The following ITGAE variants were observed in gnomAD, a reference collection of about 807,000 sequenced individuals.
ITGAE encodes the protein integrin alpha-E.
Under a neutral mutation model 136.5 loss-of-function variants are expected in ITGAE, and 99 were observed. That is an observed-to-expected ratio of 0.73 (90% CI 0.62 to 0.86). The LOEUF (loss-of-function observed/expected upper bound fraction) is 0.86. Among genes scored for constraint, ITGAE ranks in the 40% least tolerant of loss-of-function variants. The pLI, the probability that ITGAE is intolerant of heterozygous loss-of-function variation, is 0.00. For synonymous variants in ITGAE, 613 were observed against 591.8 expected (o/e 1.04, Z -0.52); for missense variants, 1,447 against 1,515.3 (o/e 0.95, Z 0.75).
intron 20 of ITGAE, among the ~76,000 whole-genome samples, chr17:3,736,048 A>G (rs1395964790): frequency 1.3e-5 from 2 of 152,046 alleles, no homozygotes; most frequent in African/African-American, 4.8e-5. Flanking sequence ...GGAGGCTGAG[A>G]CAGAGAATTG....
intron 19 of ITGAE, among the ~76,000 whole-genome samples, chr17:3,743,199 T>C (rs1367358839): frequency 6.6e-6 from 1 of 152,184 alleles, no homozygotes; most frequent in Non-Finnish European, 1.5e-5. Context: ...CAGGATGCAA[T>C]GTATGCATGT....
chr17:3,724,246 G>T, intron 26 of ITGAE: 1 of 1,593,008 alleles, frequency 6.3e-7, no homozygotes, highest in East Asian at 2.2e-5. Context: ...TGGAAGCTGC[G>T]AGCTCGCCCA....
At chr17:3,763,607 C>T (rs1253422046) in intron 3 of ITGAE, among the ~76,000 whole-genome samples, 3 of 152,044 alleles carry the variant, frequency 2.0e-5, no homozygotes, top group Non-Finnish European at 2.9e-5. Flanking sequence ...AGAGGACTGC[C>T]GGGCACAGGG....
At chr17:3,721,336 A>G (rs1190246331) in intron 28 of ITGAE, among the ~76,000 whole-genome samples, 1 of 132,532 alleles carries the variant, frequency 7.5e-6, no homozygotes, top group Admixed American at 8.8e-5. Context: ...GAGTGGCTCA[A>G]TCATAGCTCA....
intron 1 of ITGAE, among the ~76,000 whole-genome samples, chr17:3,786,741 T>G (rs567765405): frequency 6.6e-5 from 10 of 151,806 alleles, no homozygotes; most frequent in African/African-American, 1.9e-4. Context: ...AATGCAAAAA[T>G]TAGCTGGGCG....
rs1437195536 is a variant in ITGAE, at chr17:3,799,557, TC to T, written c.34+1553del. ...CAGAGGCCTGGGCTTGAGCCTCGTG[TC>T]TATTATCAGTTGCTTGCAAGCCTGG... On this transcript the variant is annotated intron_variant, in intron 1 of 30. Transcript: ENST00000263087. This position sits in a 1 kb window ranked among gnomAD's most constrained non-coding sequence, Gnocchi z 4.1. 6.6e-5 allele frequency among the ~76,000 whole-genome samples: 10 copies of T among 152,086 alleles called. No homozygotes were observed. The highest frequency in any genetic ancestry group is 2.4e-4 in the African/African-American group (10 of 41,482).
intron 2 of ITGAE, among the ~76,000 whole-genome samples, chr17:3,767,458 C>T (rs2052327016): frequency 6.6e-6 from 1 of 152,124 alleles, no homozygotes; most frequent in South Asian, 2.1e-4. Flanking sequence ...GTCTTGATAT[C>T]CTGACCTCAG....
Position 3,757,073 on chromosome 17 carries a change from G to A in ITGAE, c.1082C>T (p.Pro361Leu), listed in dbSNP as rs758972428. Residue 361 changes from proline (P) to leucine (L), a missense_variant, in exon 10 of 31, where the codon CCG becomes CTG. By Grantham distance (98) the Pro-to-Leu change is moderately conservative. This residue lies in a region of ITGAE where 310 missense variants were observed against 416.1 expected (regional missense o/e 0.74). Transcript: ENST00000263087. Reference protein sequence around the residue: ...ARELNLIASDPDETHAFKVTN... With the variant: ...ARELNLIASDLDETHAFKVTN... The stretch of plus-strand genomic sequence containing the variant: ...CACCTTGAAAGCATGGGTCTCATCC[G>A]GGTCTGAGGCGATCAGGTTCAGTTC... 3.7e-6 allele frequency: 6 copies of A among 1,614,176 alleles called. No individual in the cohort carries two copies. Among genetic ancestry groups the A allele is most frequent in the East Asian group, 4.5e-5 (2 of 44,884 alleles).
chr17:3,759,397 C>T lies in ITGAE; in HGVS notation c.866+5G>A. The T allele has an allele frequency of 6.2e-7, 1 of 1,611,874 alleles. No individual in the cohort carries two copies. Among genetic ancestry groups the T allele is most frequent in the Non-Finnish European group, 8.5e-7 (1 of 1,178,102 alleles). On this transcript the variant is annotated splice_donor_5th_base_variant and intron_variant, in intron 8 of 30. Transcript: ENST00000263087. ...CAGAATAATTCCTGCAGCCCCCACACTCACAAGACGTGTTGCATGGCTGAG... is the reference window on the plus strand; with the variant it reads ...CAGAATAATTCCTGCAGCCCCCACATTCACAAGACGTGTTGCATGGCTGAG...
At chr17:3,760,985 A>C in intron 6 of ITGAE, 28 bp downstream of exon 6, 1 of 1,586,828 alleles carries the variant, frequency 6.3e-7, no homozygotes, top group Non-Finnish European at 8.5e-7. Flanking sequence ...TGATAGACTC[A>C]GAGCAACCCA....
At chr17:3,723,598 G>C (rs148190626) in intron 27 of ITGAE, 90 bp downstream of exon 27, 9 of 1,355,322 alleles carry the variant, frequency 6.6e-6, no homozygotes, top group Non-Finnish European at 9.0e-6. Flanking sequence ...TGGCCGGCAG[G>C]GGTAACCCAG....
chr17:3,780,753 T>C (rs1315171892), intron 1 of ITGAE, among the ~76,000 whole-genome samples: 1 of 152,094 alleles, frequency 6.6e-6, no homozygotes, highest in African/African-American at 2.4e-5. Flanking sequence ...CTGGCTGGAG[T>C]GCAGTGGCAT....
intron 30 of ITGAE, among the ~76,000 whole-genome samples, chr17:3,715,517 C>T (rs896591157): frequency 2.6e-5 from 4 of 152,100 alleles, no homozygotes; most frequent in South Asian, 2.1e-4. Flanking sequence ...GCAGCCTACG[C>T]GTACGCAGAG....
In ITGAE at chr17:3,751,797, C is replaced by T. The variant is rs754624978; in HGVS notation, c.1746G>A (p.Ala582=). ...FTNARFGFAM[A]AMGDLSQDKL... is the part of the protein sequence containing the mutation. ...TATCCTGACTGAGATCCCCCATAGC[C>T]GCCATGGCAAAGCCAAAGCGGGCAT... The change falls in exon 15 of 31, where the codon GCG becomes GCA. Residue 582 remains alanine (A), a synonymous_variant. Coordinates refer to ENST00000263087, the MANE Select transcript of ITGAE (RefSeq NM_002208.5). 9 of 1,614,006 alleles carry T rather than the reference C, an allele frequency of 5.6e-6. No homozygotes were observed. The highest frequency in any genetic ancestry group is 4.0e-5 in the African/African-American group (3 of 74,916).
At chr17:3,771,425 G>A (rs1597353271) in intron 2 of ITGAE, among the ~76,000 whole-genome samples, 4 of 152,194 alleles carry the variant, frequency 2.6e-5, no homozygotes, top group Admixed American at 2.6e-4. Context: ...GGGCTTAGAG[G>A]GGGCCTAGGC....
intron 20 of ITGAE, 114 bp downstream of exon 20, chr17:3,739,691 G>T (rs2051538664): frequency 1.2e-6 from 1 of 863,384 alleles, no homozygotes; most frequent in African/African-American, 1.6e-5. Context: ...GAAGCCATTT[G>T]TGGGCCACGG....
chr17:3,783,331 A>C (rs987698722), intron 1 of ITGAE, among the ~76,000 whole-genome samples: 1 of 151,762 alleles, frequency 6.6e-6, no homozygotes, highest in African/African-American at 2.4e-5. Context: ...AGTAGAGACG[A>C]GGTTTCACCA....
intron 2 of ITGAE, among the ~76,000 whole-genome samples, chr17:3,764,371 C>G (rs1197347525): frequency 6.6e-6 from 1 of 152,222 alleles, no homozygotes; most frequent in Non-Finnish European, 1.5e-5. Context: ...GAAGAGTACG[C>G]TGGTGCCCCT....
At chr17:3,752,752 GA>G (rs753597493) in intron 14 of ITGAE, among the ~76,000 whole-genome samples, 3,699 of 130,676 alleles carry the variant, frequency 0.028, 124 homozygotes, top group African/African-American at 0.085. Flanking sequence ...CTCAGTCTCG[GA>G]AAAAAAAAAA....
Sources: allele counts gnomAD v4.1 joint callset (sites outside exome capture counted in the v4.1 genomes callset), GRCh38; gene constraint gnomAD v4.1.1; regional missense constraint gnomAD v4.1.1; non-coding constraint Gnocchi (gnomAD v3.1); transcripts MANE v1.5; gene names NCBI Gene and HGNC (gene_info 2026-07-23, HGNC 2026-07-21).